The following GDE1 variants were observed in gnomAD, a reference collection of about 807,000 sequenced individuals.
The protein encoded by GDE1 is glycerophosphodiester phosphodiesterase 1, also known as RGS16-interacting membrane protein.
A neutral mutation model predicts 32.2 loss-of-function variants in GDE1; 24 were observed. The observed-to-expected ratio is 0.75, with a 90% CI of 0.54 to 1.05. The LOEUF (loss-of-function observed/expected upper bound fraction) is 1.05, where lower values mean the gene tolerates loss of function less well. Ranked by LOEUF, GDE1 falls within the 50% of genes least tolerant of loss-of-function variation. The pLI, the probability that GDE1 is intolerant of heterozygous loss-of-function variation, is 0.00. For missense variants in GDE1, 380 were observed against 415.0 expected (o/e 0.92, Z 0.73); for synonymous variants, 159 against 158.6 (o/e 1.00, Z -0.02).
Position 19,521,901 on chromosome 16 carries a change from G to A in GDE1, c.64C>T (p.Leu22=), listed in dbSNP as rs1597240086. Residue 22 remains leucine (L), a synonymous_variant, in exon 1 of 6, where the codon CTG becomes TTG. Coordinates refer to ENST00000353258, the MANE Select transcript of GDE1 (RefSeq NM_016641.4). The part of the protein sequence containing the change: ...GPFSFLLLVL[L]LVTRSPVNAC... ...TTGACCGGGCTCCGCGTCACCAGCA[G>A]CAGCACTAGCAGCAGGAAGGAGAAA... 1 of 1,596,266 alleles carries A rather than the reference G, an allele frequency of 6.3e-7. No individual in the cohort carries two copies. The highest frequency in any genetic ancestry group is 8.5e-7 in the Non-Finnish European group (1 of 1,172,276).
Position 19,503,422 on chromosome 16 carries a change from A to G in GDE1, c.*48T>C, listed in dbSNP as rs773445992. On this transcript the variant is annotated 3_prime_UTR_variant, in exon 6 of 6. Transcript: ENST00000353258. ...ACAAAGGGTATTTTGATATCCCTGT[A>G]TGAGGCCCCTGGCAGTTTCTGAACC... 4.4e-6 allele frequency: 7 copies of G among 1,573,134 alleles called. No individual in the cohort carries two copies. Among genetic ancestry groups the G allele is most frequent in the Middle Eastern group, 1.7e-4 (1 of 5,904 alleles).
intron 3 of GDE1, among the ~76,000 whole-genome samples, chr16:19,508,903 G>A (rs1297022382): frequency 1.3e-5 from 2 of 152,122 alleles, no homozygotes; most frequent in South Asian, 2.1e-4. Flanking sequence ...TGGTGAATTA[G>A]GTCACTATGT....
At position 19,521,147 on chromosome 16, in the gene GDE1, T is replaced by C. The variant is rs149143352; in HGVS notation, c.261+557A>G. 1.3e-3 allele frequency: 203 copies of C among 153,340 alleles called. 2 individuals carry two copies. The highest frequency in any genetic ancestry group is 3.3e-4 in the Non-Finnish European group (23 of 68,744). 9.5% of individuals were successfully genotyped at this position (153,340 alleles called of 1,614,324 possible). ...CACACACCAGTCTTTGTTCTCTTCC[T>C]TGAAGTCAGGCCACACACTGCCTCT... On this transcript the variant is annotated intron_variant, in intron 1 of 5. Transcript: ENST00000353258.
Position 19,515,241 on chromosome 16 carries a change from T to C in GDE1, c.437+1773A>G, listed in dbSNP as rs139237165. Among the ~76,000 whole-genome samples the C allele has an allele frequency of 5.3e-3, 802 of 152,308 alleles. 9 individuals carry two copies. Among genetic ancestry groups the C allele is most frequent in the African/African-American group, 0.018 (756 of 41,568 alleles). ...TCTCAGGACAAGCATCTCATCACAC[T>C]GAGCATAATTCTAGAGAAAATATCT... On this transcript the variant is annotated intron_variant, in intron 2 of 5. Coordinates refer to ENST00000353258, the MANE Select transcript of GDE1 (RefSeq NM_016641.4).
chr16:19,520,416 A>G (rs1969435409), intron 1 of GDE1, among the ~76,000 whole-genome samples: 1 of 151,472 alleles, frequency 6.6e-6, no homozygotes, highest in South Asian at 2.1e-4. Flanking sequence ...AAGAAAAAAA[A>G]AAAGAAAAAA....
Position 19,507,763 on chromosome 16 carries a change from T to C in GDE1, c.560A>G (p.Lys187Arg). The change falls in exon 4 of 6, where the codon AAG (lysine) becomes AGG (arginine). Residue 187 changes from lysine (K) to arginine (R), a missense_variant. By Grantham distance (26) the Lys-to-Arg change is conservative. Coordinates refer to ENST00000353258, the MANE Select transcript of GDE1 (RefSeq NM_016641.4). Reference sequence around the variant, plus strand: ...TTGAGGAAATTCCATATACATTTTCTTTAGAGCCTCAGTAGCCTGTAAAAT... The same window carrying C: ...TTGAGGAAATTCCATATACATTTTCCTTAGAGCCTCAGTAGCCTGTAAAAT... ...GHAHKATEAL[K>R]KMYMEFPQLY... 2 of 1,522,582 alleles carry C rather than the reference T, an allele frequency of 1.3e-6. No individual in the cohort carries two copies. Among genetic ancestry groups the C allele is most frequent in the South Asian group, 2.3e-5 (2 of 88,332 alleles). 94.3% of individuals were successfully genotyped at this position (1,522,582 alleles called of 1,614,324 possible).
At chr16:19,520,354 G>T (rs1466991528) in intron 1 of GDE1, among the ~76,000 whole-genome samples, 3 of 150,782 alleles carry the variant, frequency 2.0e-5, no homozygotes, top group African/African-American at 7.3e-5. Context: ...GTGAGCTGGG[G>T]TTGCGCCGAT....
In GDE1 at chr16:19,521,708, C is replaced by G; in HGVS notation, c.257G>C (p.Arg86Pro). 6.2e-7 allele frequency: 1 copy of G among 1,611,494 alleles called. No homozygotes were observed. Among genetic ancestry groups the G allele is most frequent in the Non-Finnish European group, 8.5e-7 (1 of 1,179,268 alleles). ...GCGCGAACGTGGGGGTCTCACCTGC[C>G]GAATGGCCGCCAGCGTGTTCTCGGG... The part of the protein sequence containing the change: ...DAPENTLAAI[R>P]QAAKNGATGV... The change falls in exon 1 of 6, where the codon CGG becomes CCG. Residue 86 changes from arginine to proline, a missense_variant. Transcript: ENST00000353258.
At position 19,521,986 on chromosome 16, in the gene GDE1, G is replaced by C. The variant is rs1969468113; in HGVS notation, c.-22C>G. ...ACATGCCGGCGCCCGCACCGGCACG[G>C]ACGGGAGTCCCGGACCCGCCGGGCT... On this transcript the variant is annotated 5_prime_UTR_variant, in exon 1 of 6. Transcript: ENST00000353258. The C allele has an allele frequency of 2.0e-6, 3 of 1,520,442 alleles. No individual in the cohort carries two copies. In the South Asian group the frequency reaches 3.6e-5, roughly 18 times the overall value. The allele number at this position is 1,520,442 out of a possible 1,614,324, so 94.2% of individuals were successfully genotyped here.
intron 1 of GDE1, among the ~76,000 whole-genome samples, chr16:19,518,063 T>A (rs1484665019): frequency 6.6e-6 from 1 of 152,062 alleles, no homozygotes; most frequent in African/African-American, 2.4e-5. Flanking sequence ...AATTTTTGTA[T>A]TTTTTGTAGA....
At chr16:19,510,703 C>T (rs748459119) in intron 3 of GDE1, 136 bp downstream of exon 3, 4 of 457,162 alleles carry the variant, frequency 8.7e-6, no homozygotes, top group African/African-American at 2.0e-5. Flanking sequence ...GCATTGTACA[C>T]TTCCATTAAA....
intron 1 of GDE1, among the ~76,000 whole-genome samples, chr16:19,519,483 A>C (rs1376228870): frequency 6.7e-6 from 1 of 148,998 alleles, no homozygotes; most frequent in East Asian, 2.1e-4. Flanking sequence ...TACATACACA[A>C]TACTTAATAG....
chr16:19,517,957 G>A (rs1969402751), intron 1 of GDE1, among the ~76,000 whole-genome samples: 1 of 150,370 alleles, frequency 6.7e-6, no homozygotes, highest in South Asian at 2.1e-4. Context: ...GCATGATCTC[G>A]GCTCACTAAA....
At chr16:19,505,904 T>C (rs1451075563) in intron 4 of GDE1, among the ~76,000 whole-genome samples, 9 of 152,230 alleles carry the variant, frequency 5.9e-5, no homozygotes, top group Admixed American at 5.9e-4. Flanking sequence ...TTCTGCCTAT[T>C]TGGTAACTAA....
chr16:19,511,065 T>C, intron 2 of GDE1, 121 bp from the exon 3 acceptor site: 1 of 552,596 alleles, frequency 1.8e-6, no homozygotes, highest in Non-Finnish European at 3.2e-6. Context: ...ACTTCCTTTT[T>C]TCGACCATAG....
chr16:19,513,593 C>T (rs899968610), intron 2 of GDE1, among the ~76,000 whole-genome samples: 2 of 152,178 alleles, frequency 1.3e-5, no homozygotes, highest in East Asian at 1.9e-4. Flanking sequence ...AATTTGGATG[C>T]CTTTTATTTC....
rs2521795 is a variant in GDE1 at position 19,502,819 on chromosome 16, A to G, written c.*651T>C. Reference sequence around the variant, plus strand: ...AGAGCTTCCTAAAAAGCCTGGAAAAATGCAACTCTGCCCCCTGGTGGTTTG... The same window carrying G: ...AGAGCTTCCTAAAAAGCCTGGAAAAGTGCAACTCTGCCCCCTGGTGGTTTG... On this transcript the variant is annotated 3_prime_UTR_variant, in exon 6 of 6. Transcript: ENST00000353258. 0.85 allele frequency: 128,993 copies of G among 152,178 alleles called. 54,753 individuals carry two copies. The highest frequency in any genetic ancestry group is 0.91 in the South Asian group (4,374 of 4,828). 9.4% of individuals were successfully genotyped at this position (152,178 alleles called of 1,614,324 possible).
intron 2 of GDE1, among the ~76,000 whole-genome samples, chr16:19,512,927 T>TGTGTGTGTG: frequency 7.3e-6 from 1 of 137,104 alleles, no homozygotes; most frequent in African/African-American, 2.8e-5. Context: ...TGTATCTGTT[T>TGTGTGTGTG]TGTGTGTGTG....
intron 1 of GDE1, chr16:19,521,437 A>T (rs890766181): frequency 4.0e-6 from 2 of 501,038 alleles, no homozygotes; most frequent in African/African-American, 3.8e-5. Context: ...TCTGTAAACC[A>T]GGGACACTTT....
Sources: allele counts gnomAD v4.1 joint callset (sites outside exome capture counted in the v4.1 genomes callset), GRCh38; gene constraint gnomAD v4.1.1; transcripts MANE v1.5; gene names NCBI Gene and HGNC (gene_info 2026-07-23, HGNC 2026-07-21).